The following ZMYND8 variants were observed in gnomAD, a reference collection of about 807,000 sequenced individuals.
ZMYND8 encodes the protein zinc finger MYND-type containing 8.
In ZMYND8, 37 loss-of-function variants were observed where a neutral mutation model predicts 140.8. That is an observed-to-expected ratio of 0.26 (90% confidence interval 0.20 to 0.35). ZMYND8 has a LOEUF of 0.35. ZMYND8 is among the 10% of genes least tolerant of loss of function. ZMYND8 has a pLI of 1.00. For missense variants in ZMYND8, 1,068 were observed against 1,570.0 expected, an observed-to-expected ratio of 0.68 and a Z score of 5.40; for synonymous variants, 592 against 597.1, an observed-to-expected ratio of 0.99 and a Z score of 0.12.
intron 3 of ZMYND8, among the ~76,000 whole-genome samples, chr20:47,301,930 C>T (rs2078079225): frequency 6.6e-6 from 1 of 152,052 alleles, no homozygotes; most frequent in Non-Finnish European, 1.5e-5. Context: ...ATAGTAAGTT[C>T]TCACAAGATC....
chr20:47,273,176 T>A (rs921447216), intron 11 of ZMYND8, among the ~76,000 whole-genome samples: 1 of 152,238 alleles, frequency 6.6e-6, no homozygotes, highest in Non-Finnish European at 1.5e-5. Flanking sequence ...GCATATCACC[T>A]GTTCCTGAGG....
At chr20:47,212,548 C>T in intron 22 of ZMYND8, 94 bp downstream of exon 22, 1 of 1,401,596 alleles carries the variant, frequency 7.1e-7, no homozygotes, top group Non-Finnish European at 1.0e-6. Flanking sequence ...AAGACACACC[C>T]ACAAAGGAAC....
chr20:47,309,933 C>T (rs2078795441), intron 3 of ZMYND8, 123 bp downstream of exon 3: 2 of 1,336,212 alleles, frequency 1.5e-6, no homozygotes, highest in Non-Finnish European at 2.1e-6. Context: ...AGGCAAATGA[C>T]AGCCAGCGCA....
At chr20:47,347,791 A>C (rs954260513) in intron 2 of ZMYND8, 65 bp downstream of exon 2, 2 of 1,560,176 alleles carry the variant, frequency 1.3e-6, no homozygotes, top group Non-Finnish European at 1.8e-6. Context: ...CTGCACTACA[A>C]CAACAAAAAG....
At chr20:47,349,015 C>T (rs542213286) in intron 1 of ZMYND8, 41 of 152,206 alleles carry the variant, frequency 2.7e-4, no homozygotes, top group African/African-American at 8.9e-4. Flanking sequence ...AACGCCAGGA[C>T]AGGAAGGAGG....
intron 14 of ZMYND8, among the ~76,000 whole-genome samples, chr20:47,242,096 C>A (rs779265785): frequency 2.0e-5 from 3 of 152,172 alleles, no homozygotes; most frequent in Non-Finnish European, 2.9e-5. Context: ...GGATTACAGG[C>A]GTGAGCCGCT....
intron 12 of ZMYND8, among the ~76,000 whole-genome samples, chr20:47,253,309 G>A (rs1361707277): frequency 1.3e-5 from 2 of 152,144 alleles, no homozygotes; most frequent in Non-Finnish European, 2.9e-5. Flanking sequence ...GGCCAAAGCA[G>A]GTGGAGCACC....
chr20:47,226,405 G>A (rs932062476), intron 18 of ZMYND8, among the ~76,000 whole-genome samples: 6 of 152,160 alleles, frequency 3.9e-5, no homozygotes, highest in African/African-American at 1.4e-4. Context: ...TACCTTTGGG[G>A]AAAAGCTTAA....
At chr20:47,326,613 T>C (rs2080440527) in intron 2 of ZMYND8, among the ~76,000 whole-genome samples, 1 of 152,186 alleles carries the variant, frequency 6.6e-6, no homozygotes, top group Non-Finnish European at 1.5e-5. Context: ...AAAACCTCCG[T>C]AGATCCTCAG....
At chr20:47,276,173 CT>C in intron 11 of ZMYND8, 140 bp downstream of exon 11, 1 of 1,213,944 alleles carries the variant, frequency 8.2e-7, no homozygotes, top group Non-Finnish European at 1.1e-6. Context: ...CCACTGGTGA[CT>C]TCTTGAAAAT....
At chr20:47,338,049 G>C (rs1008675024) in intron 2 of ZMYND8, among the ~76,000 whole-genome samples, 2 of 152,052 alleles carry the variant, frequency 1.3e-5, no homozygotes, top group Non-Finnish European at 2.9e-5. Flanking sequence ...CTCAGCACCT[G>C]TTTTCTAAGT....
chr20:47,310,499 A>C (rs2078838588), intron 2 of ZMYND8, among the ~76,000 whole-genome samples: 1 of 152,138 alleles, frequency 6.6e-6, no homozygotes, highest in African/African-American at 2.4e-5. Context: ...ACTTTTCTTA[A>C]AAAAACAGAT....
At chr20:47,215,267 G>T (rs1040138290) in intron 21 of ZMYND8, among the ~76,000 whole-genome samples, 3 of 152,134 alleles carry the variant, frequency 2.0e-5, no homozygotes, top group Non-Finnish European at 4.4e-5. Flanking sequence ...CAGCTGCTCA[G>T]GAGGCTGAGG....
chr20:47,227,385 C>A, intron 17 of ZMYND8, 104 bp from the exon 18 acceptor site: 1 of 1,051,396 alleles, frequency 9.5e-7, no homozygotes. Context: ...GGGAATCATG[C>A]TAACCTTCCC....
At chr20:47,340,794 A>AT (rs1008250105) in intron 2 of ZMYND8, among the ~76,000 whole-genome samples, 1 of 147,378 alleles carries the variant, frequency 6.8e-6, no homozygotes, top group African/African-American at 2.6e-5. Context: ...CTCAAAAAGT[A>AT]TTTTTTTTAA....
intron 21 of ZMYND8, among the ~76,000 whole-genome samples, chr20:47,218,945 A>G (rs997378269): frequency 2.0e-5 from 3 of 152,000 alleles, no homozygotes; most frequent in Non-Finnish European, 2.9e-5. Context: ...GAGAATCGTC[A>G]GTGGCTCACG....
intron 12 of ZMYND8, among the ~76,000 whole-genome samples, chr20:47,250,031 G>A (rs2074040978): frequency 6.6e-6 from 1 of 152,146 alleles, no homozygotes; most frequent in African/African-American, 2.4e-5. Flanking sequence ...GTGTGTTGTG[G>A]CTCACAGCAT....
chr20:47,315,602 T>A (rs1299300943), intron 2 of ZMYND8, among the ~76,000 whole-genome samples: 1 of 152,152 alleles, frequency 6.6e-6, no homozygotes. Context: ...ACTGTAGCCG[T>A]GGTACCCAGG....
chr20:47,296,167 C>T (rs1205162600), intron 4 of ZMYND8, among the ~76,000 whole-genome samples: 2 of 152,188 alleles, frequency 1.3e-5, no homozygotes, highest in Non-Finnish European at 2.9e-5. Context: ...AGACACAGAG[C>T]ACCTGTTTGT....
Sources: allele counts gnomAD v4.1 joint callset (sites outside exome capture counted in the v4.1 genomes callset), GRCh38; gene constraint gnomAD v4.1.1; transcripts MANE v1.5; gene names NCBI Gene and HGNC (gene_info 2026-07-23, HGNC 2026-07-21).